The following DOCK4 variants were observed in gnomAD, a reference collection of about 807,000 sequenced individuals.
DOCK4 encodes the protein dedicator of cytokinesis protein 4.
In DOCK4, 97 loss-of-function variants were observed where a neutral mutation model predicts 268.1. The observed-to-expected ratio is 0.36, with a 90% CI of 0.31 to 0.43. The LOEUF (loss-of-function observed/expected upper bound fraction) is 0.43. Ranked by LOEUF, DOCK4 falls within the 20% of genes least tolerant of loss-of-function variation. The probability of loss-of-function intolerance (pLI) is 1.00; values close to 1 mark genes in which losing one functional copy is unlikely to be tolerated. For missense variants in DOCK4, 2,145 were observed against 2,455.7 expected, an observed-to-expected ratio of 0.87 and a Z score of 2.67; for synonymous variants, 954 against 887.2, an observed-to-expected ratio of 1.08 and a Z score of -1.34.
chr7:112,028,627 C>G (rs1378343823), intron 1 of DOCK4, among the ~76,000 whole-genome samples: 1 of 152,204 alleles, frequency 6.6e-6, no homozygotes, highest in Non-Finnish European at 1.5e-5. Flanking sequence ...AAAGCTTTCT[C>G]AACAACTTGG....
At chr7:111,826,523 C>T (rs1364619735) in intron 26 of DOCK4, among the ~76,000 whole-genome samples, 1 of 152,068 alleles carries the variant, frequency 6.6e-6, no homozygotes, top group Non-Finnish European at 1.5e-5. Flanking sequence ...AAATGTGGTA[C>T]ATTTACACCA....
intron 16 of DOCK4, among the ~76,000 whole-genome samples, chr7:111,879,104 T>C (rs1807159081): frequency 6.6e-6 from 1 of 151,878 alleles, no homozygotes; most frequent in East Asian, 2.0e-4. Context: ...GAGTGAAAAG[T>C]AAAGAGGACT....
At chr7:112,011,544 GA>G (rs946354757) in intron 1 of DOCK4, among the ~76,000 whole-genome samples, 20 of 149,274 alleles carry the variant, frequency 1.3e-4, no homozygotes, top group Non-Finnish European at 1.8e-4. Flanking sequence ...TAGAGAAACA[GA>G]AAAAAAAAGA....
chr7:112,174,403 C>A (rs180803253), intron 1 of DOCK4, among the ~76,000 whole-genome samples: 44 of 152,140 alleles, frequency 2.9e-4, no homozygotes, highest in African/African-American at 1.0e-3. Flanking sequence ...CATTCTATCA[C>A]GAAAAGGTAT....
At chr7:112,008,674 T>C (rs994638868) in intron 1 of DOCK4, among the ~76,000 whole-genome samples, 2 of 152,220 alleles carry the variant, frequency 1.3e-5, no homozygotes, top group African/African-American at 4.8e-5. Flanking sequence ...TCCATGACTT[T>C]TAAAATTTTA....
At chr7:111,912,445 C>T (rs1462125688) in intron 13 of DOCK4, among the ~76,000 whole-genome samples, 2 of 152,224 alleles carry the variant, frequency 1.3e-5, no homozygotes, top group African/African-American at 4.8e-5. Context: ...AGATCAAACA[C>T]AAGTGAGGTC....
chr7:111,762,779 T>C (rs1466049485), intron 39 of DOCK4, among the ~76,000 whole-genome samples: 1 of 133,242 alleles, frequency 7.5e-6, no homozygotes, highest in Non-Finnish European at 1.6e-5. Flanking sequence ...TTTTTTTTTT[T>C]TTTTTTTGGA....
intron 1 of DOCK4, among the ~76,000 whole-genome samples, chr7:112,020,155 C>G (rs1802190677): frequency 6.6e-6 from 1 of 152,230 alleles, no homozygotes; most frequent in South Asian, 2.1e-4. Context: ...ACAGGGTAAC[C>G]AAGATCTCCT....
intron 30 of DOCK4, 113 bp from the exon 31 acceptor site, chr7:111,790,718 C>T (rs973600333): frequency 1.7e-5 from 21 of 1,235,508 alleles, no homozygotes; most frequent in Middle Eastern, 2.8e-4. Flanking sequence ...CAATTATAGT[C>T]GTCTCCTCAA....
chr7:111,991,959 T>C (rs1261043059), intron 5 of DOCK4, among the ~76,000 whole-genome samples: 3 of 45,982 alleles, frequency 6.5e-5, no homozygotes, highest in South Asian at 1.3e-3. Context: ...AGACTCTGTC[T>C]CCAAAAAAAA....
intron 30 of DOCK4, among the ~76,000 whole-genome samples, chr7:111,799,660 A>T (rs1041461282): frequency 1.3e-5 from 2 of 152,238 alleles, no homozygotes; most frequent in Non-Finnish European, 2.9e-5. Context: ...CTCATAAAAA[A>T]TAAGTAACTA....
At chr7:111,758,534 C>A in intron 41 of DOCK4, 90 bp downstream of exon 41, 2 of 1,412,572 alleles carry the variant, frequency 1.4e-6, no homozygotes, top group Non-Finnish European at 2.0e-6. Flanking sequence ...TCACTTGACA[C>A]TATTCTGAGT....
At chr7:112,128,397 A>G (rs943212523) in intron 1 of DOCK4, among the ~76,000 whole-genome samples, 1 of 152,058 alleles carries the variant, frequency 6.6e-6, no homozygotes, top group Non-Finnish European at 1.5e-5. Context: ...CTGCCAGGCC[A>G]CCACCCCGTC....
At chr7:112,131,868 G>A (rs1813836876) in intron 1 of DOCK4, among the ~76,000 whole-genome samples, 1 of 152,144 alleles carries the variant, frequency 6.6e-6, no homozygotes, top group Non-Finnish European at 1.5e-5. Flanking sequence ...TGGTATGGGG[G>A]GAGGAGGAGA....
chr7:112,171,644 G>A (rs80022652), intron 1 of DOCK4, among the ~76,000 whole-genome samples: 15,323 of 152,194 alleles, frequency 0.1, 954 homozygotes, highest in South Asian at 0.14. Flanking sequence ...CCTGCACCCC[G>A]ATTGCATCCC....
chr7:111,907,479 C>T (rs545420272), intron 13 of DOCK4, among the ~76,000 whole-genome samples: 8 of 151,950 alleles, frequency 5.3e-5, no homozygotes, highest in South Asian at 2.1e-4. Context: ...CAGTGGGGAC[C>T]GTAAGCTTCA....
chr7:112,176,589 G>A (rs574417621), intron 1 of DOCK4, among the ~76,000 whole-genome samples: 3 of 152,186 alleles, frequency 2.0e-5, no homozygotes, highest in African/African-American at 7.2e-5. Context: ...GGCTTCTTCA[G>A]GATCAAAACA....
intron 1 of DOCK4, among the ~76,000 whole-genome samples, chr7:112,152,101 A>C (rs575006267): frequency 2.6e-5 from 4 of 152,348 alleles, no homozygotes; most frequent in Middle Eastern, 3.4e-3. Context: ...GTTTTCTCAA[A>C]TGCTCTATTC....
intron 12 of DOCK4, among the ~76,000 whole-genome samples, chr7:111,916,751 T>C (rs1375777787): frequency 1.3e-5 from 2 of 151,976 alleles, no homozygotes; most frequent in Admixed American, 6.6e-5. Context: ...AGCTTTTTCA[T>C]TCCTTCTTTG....
Sources: allele counts gnomAD v4.1 joint callset (sites outside exome capture counted in the v4.1 genomes callset), GRCh38; gene constraint gnomAD v4.1.1; transcripts MANE v1.5; gene names NCBI Gene and HGNC (gene_info 2026-07-23, HGNC 2026-07-21).